The following AHCYL2 variants were observed in gnomAD, a reference collection of about 807,000 sequenced individuals.
AHCYL2 encodes the protein S-adenosylhomocysteine hydrolase-like protein 2.
In AHCYL2, 28 loss-of-function variants were observed where a neutral mutation model predicts 81.4. The observed-to-expected ratio is 0.34, with a 90% CI of 0.25 to 0.47. The LOEUF (loss-of-function observed/expected upper bound fraction) is 0.47, where lower values mean the gene tolerates loss of function less well. Among genes scored for constraint, AHCYL2 ranks in the 20% least tolerant of loss-of-function variants. The pLI, the probability that AHCYL2 is intolerant of heterozygous loss-of-function variation, is 1.00. For missense variants in AHCYL2, 551 were observed against 785.1 expected, an observed-to-expected ratio of 0.70 and a Z score of 3.56; for synonymous variants, 272 against 290.2, an observed-to-expected ratio of 0.94 and a Z score of 0.64.
intron 1 of AHCYL2, among the ~76,000 whole-genome samples, chr7:129,339,971 T>G (rs563659699): frequency 1.5e-5 from 2 of 131,114 alleles, no homozygotes; most frequent in Non-Finnish European, 3.1e-5. Context: ...CAGGCTGGAG[T>G]GCAGTGACGT....
At chr7:129,363,488 C>T (rs1016376193) in intron 1 of AHCYL2, among the ~76,000 whole-genome samples, 1 of 151,398 alleles carries the variant, frequency 6.6e-6, no homozygotes, top group East Asian at 1.9e-4. Context: ...AGTAAGGAAA[C>T]AAAAAAAAGT....
At chr7:129,415,108 G>A (rs1210091537) in intron 12 of AHCYL2, among the ~76,000 whole-genome samples, 1 of 152,132 alleles carries the variant, frequency 6.6e-6, no homozygotes, top group Non-Finnish European at 1.5e-5. Flanking sequence ...AATTTAGTTG[G>A]TAGTTGGTTC....
chr7:129,239,188 C>T (rs923960405), intron 1 of AHCYL2, among the ~76,000 whole-genome samples: 4 of 152,054 alleles, frequency 2.6e-5, no homozygotes, highest in African/African-American at 9.7e-5. Flanking sequence ...TATGGGAGGT[C>T]TAATTATAGT....
In AHCYL2 at chr7:129,389,094, C is replaced by T; in HGVS notation, c.514C>T (p.Pro172Ser). 1 of 1,613,718 alleles carries T rather than the reference C, an allele frequency of 6.2e-7. No individual in the cohort carries two copies. Among genetic ancestry groups the T allele is most frequent in the Non-Finnish European group, 8.5e-7 (1 of 1,179,866 alleles). ...YTDSSDDETS[P>S]RDKQQKNSKG... ...AGATAGCTCTGATGATGAGACATCG[C>T]CCAGGGACAAGCAGCAAAAGAACTC... The change falls in exon 3 of 17, where the codon CCC (proline) becomes TCC (serine). Residue 172 changes from proline to serine, a missense_variant. Coordinates refer to ENST00000325006, the MANE Select transcript of AHCYL2 (RefSeq NM_015328.4).
chr7:129,300,420 T>A (rs1278738166), intron 1 of AHCYL2, among the ~76,000 whole-genome samples: 1 of 152,218 alleles, frequency 6.6e-6, no homozygotes, highest in Non-Finnish European at 1.5e-5. Context: ...CCTGGCTTAT[T>A]TCACTTAACA....
chr7:129,278,377 C>G (rs1396909854), intron 1 of AHCYL2, among the ~76,000 whole-genome samples: 2 of 151,912 alleles, frequency 1.3e-5, no homozygotes, highest in Non-Finnish European at 2.9e-5. Flanking sequence ...CATCCAGTCT[C>G]TTTTTACCAT....
intron 1 of AHCYL2, chr7:129,377,492 G>T (rs1252363268): frequency 4.4e-6 from 2 of 455,266 alleles, no homozygotes; most frequent in Admixed American, 4.7e-5. Context: ...ATTTGGCATT[G>T]GTCCCTTGTC....
intron 1 of AHCYL2, among the ~76,000 whole-genome samples, chr7:129,284,253 G>A (rs1317549878): frequency 6.6e-6 from 1 of 152,154 alleles, no homozygotes; most frequent in Non-Finnish European, 1.5e-5. Flanking sequence ...CAGAGAGGAA[G>A]GACAAGCGTG....
chr7:129,418,997 TG>T (rs1380821745), intron 12 of AHCYL2, among the ~76,000 whole-genome samples: 2 of 152,224 alleles, frequency 1.3e-5, no homozygotes, highest in Non-Finnish European at 2.9e-5. Context: ...GAGAATGATT[TG>T]GTAAGTATCG....
intron 1 of AHCYL2, among the ~76,000 whole-genome samples, chr7:129,294,333 G>C (rs73722928): frequency 6.6e-6 from 1 of 152,018 alleles, no homozygotes; most frequent in African/African-American, 2.4e-5. Flanking sequence ...CTTGATTCTT[G>C]TCCCTTAATT....
intron 1 of AHCYL2, among the ~76,000 whole-genome samples, chr7:129,266,298 G>T (rs1043980255): frequency 6.6e-6 from 1 of 152,192 alleles, no homozygotes; most frequent in Non-Finnish European, 1.5e-5. Flanking sequence ...AAGCAAAAAA[G>T]GTAGTGGATG....
At chr7:129,290,299 G>A (rs1183245741) in intron 1 of AHCYL2, among the ~76,000 whole-genome samples, 1 of 150,776 alleles carries the variant, frequency 6.6e-6, no homozygotes, top group African/African-American at 2.4e-5. Flanking sequence ...GTCAGGAGAT[G>A]AGACCATTCT....
At chr7:129,268,322 G>A (rs866674151) in intron 1 of AHCYL2, among the ~76,000 whole-genome samples, 2 of 152,086 alleles carry the variant, frequency 1.3e-5, no homozygotes, top group Non-Finnish European at 2.9e-5. Flanking sequence ...CAGCATTAGG[G>A]AGTTTGCTTG....
At chr7:129,245,417 A>G (rs2150695369) in intron 1 of AHCYL2, among the ~76,000 whole-genome samples, 1 of 152,290 alleles carries the variant, frequency 6.6e-6, no homozygotes, top group East Asian at 1.9e-4. Context: ...AAGTACATTC[A>G]CACTGTTGTG....
At chr7:129,287,565 G>A (rs9649530) in intron 1 of AHCYL2, among the ~76,000 whole-genome samples, 77,839 of 151,992 alleles carry the variant, frequency 0.51, 22,609 homozygotes, top group East Asian at 0.65. Flanking sequence ...CTAACCAGTG[G>A]GAGAGGAAAG....
At chr7:129,299,688 C>G (rs2150760772) in intron 1 of AHCYL2, among the ~76,000 whole-genome samples, 1 of 152,208 alleles carries the variant, frequency 6.6e-6, no homozygotes, top group South Asian at 2.1e-4. Context: ...CCATCACGCC[C>G]AGCCAGATTC....
intron 1 of AHCYL2, among the ~76,000 whole-genome samples, chr7:129,318,268 T>C (rs1584777454): frequency 1.3e-5 from 2 of 152,332 alleles, no homozygotes; most frequent in East Asian, 1.9e-4. Flanking sequence ...TTTTGTGTTA[T>C]TCTTTTTTTA....
At chr7:129,302,082 T>C (rs1365498824) in intron 1 of AHCYL2, among the ~76,000 whole-genome samples, 1 of 152,190 alleles carries the variant, frequency 6.6e-6, no homozygotes, top group Non-Finnish European at 1.5e-5. Flanking sequence ...TAGTTTTCAT[T>C]GTAGATATAT....
chr7:129,274,681 T>C (rs1796136476), intron 1 of AHCYL2, among the ~76,000 whole-genome samples: 1 of 152,110 alleles, frequency 6.6e-6, no homozygotes, highest in Non-Finnish European at 1.5e-5. Context: ...TCCTCTCTCT[T>C]GGACTGCTTG....
Sources: gnomAD v4.1 joint callset for allele counts (sites outside exome capture counted in the v4.1 genomes callset) on GRCh38, gnomAD v4.1.1 for gene constraint, MANE v1.5 for transcripts, NCBI Gene and HGNC (gene_info 2026-07-23, HGNC 2026-07-21) for gene names.